Variants in CLCN1 observed in about 807,000 individuals in gnomAD.
The protein encoded by CLCN1 is chloride channel protein 1.
In CLCN1, 100 loss-of-function variants were observed where a neutral mutation model predicts 114.5. The ratio of observed to expected loss-of-function variants is 0.87; its 90% CI spans 0.74 to 1.03. The LOEUF (loss-of-function observed/expected upper bound fraction) is 1.03. Ranked by LOEUF, CLCN1 falls within the 50% of genes least tolerant of loss-of-function variation. The pLI is 0.00. For missense variants in CLCN1, 1,188 were observed against 1,250.0 expected, an observed-to-expected ratio of 0.95 and a Z score of 0.75; for synonymous variants, 485 against 487.1, an observed-to-expected ratio of 1.00 and a Z score of 0.06.
At chr7:143,347,915 G>A (rs913064188) in intron 20 of CLCN1, among the ~76,000 whole-genome samples, 3 of 152,086 alleles carry the variant, frequency 2.0e-5, no homozygotes, top group Non-Finnish European at 2.9e-5. Flanking sequence ...GGAAGCAGGC[G>A]GTATCAGAAC....
rs1227755696 is a variant in CLCN1 at position 143,323,456 on chromosome 7, T to G, written c.774+70T>G. 11 of 1,076,568 alleles carry G rather than the reference T, an allele frequency of 1.0e-5. No homozygotes were observed. The African/African-American group carries it at 1.7e-4, about 17-fold the overall frequency. 66.7% of individuals were successfully genotyped at this position (1,076,568 alleles called of 1,614,324 possible). A position where few individuals can be genotyped will look rare whatever the true frequency, so the allele number is the denominator to read the frequency against. On this transcript the variant is annotated intron_variant, in intron 6 of 22. Transcript: ENST00000343257. ...GAGTCCGGCTGTGTGTCCAGGGTGTTGGGAGGGCTGCCTCTGCTCTGGGCT... is the reference window on the plus strand; with the variant it reads ...GAGTCCGGCTGTGTGTCCAGGGTGTGGGGAGGGCTGCCTCTGCTCTGGGCT...
intron 20 of CLCN1, among the ~76,000 whole-genome samples, chr7:143,349,965 A>G (rs555117431): frequency 1.2e-4 from 18 of 152,366 alleles, no homozygotes; most frequent in African/African-American, 4.3e-4. Flanking sequence ...CCAGATGGTC[A>G]GAATAGCAAA....
rs940137971 is a variant in CLCN1 at position 143,331,828 on chromosome 7, A to ATTTTTG, written c.1166+188_1166+193dup. ...TTGTGTGGTCTCCCATTTAAAGATT[A>ATTTTTG]TTTTTGTTTTTGTTTTTTGAGACAG... On this transcript the variant is annotated intron_variant, in intron 10 of 22. Coordinates refer to ENST00000343257, the MANE Select transcript of CLCN1 (RefSeq NM_000083.3). Among the ~76,000 whole-genome samples, 16 of 152,084 alleles carry ATTTTTG rather than the reference A, an allele frequency of 1.1e-4. No individual in the cohort carries two copies. In the Middle Eastern group the frequency reaches 0.01, roughly 98 times the overall value.
At chr7:143,348,210 G>A (rs964193528) in intron 20 of CLCN1, among the ~76,000 whole-genome samples, 1 of 152,046 alleles carries the variant, frequency 6.6e-6, no homozygotes, top group African/African-American at 2.4e-5. Context: ...ACACACTTCT[G>A]ATAAATGACT....
At chr7:143,343,915 C>A (rs1175080003) in intron 16 of CLCN1, among the ~76,000 whole-genome samples, 1 of 152,142 alleles carries the variant, frequency 6.6e-6, no homozygotes, top group Non-Finnish European at 1.5e-5. Flanking sequence ...TCTTGGCTCA[C>A]TGCAACCTCT....
rs777799970 is a variant in CLCN1, at chr7:143,351,866, G to C, written c.2868G>C (p.Leu956=). 2 of 1,613,940 alleles carry C rather than the reference G, an allele frequency of 1.2e-6. No individual in the cohort carries two copies. The highest frequency in any genetic ancestry group is 8.5e-7 in the Non-Finnish European group (1 of 1,179,818). ...KVEGELEELE[L]VESPGLEEEL... ...AGGGCGAGTTGGAGGAGCTGGAGCT[G>C]GTGGAGAGTCCAGGGCTGGAAGAGG... is the stretch of plus-strand genomic sequence containing the variant. Residue 956 remains leucine, a synonymous_variant, in exon 23 of 23, where the codon CTG becomes CTC. Transcript: ENST00000343257.
rs1346607954 is a variant in CLCN1, at chr7:143,342,112, A to C, written c.1766A>C (p.Tyr589Ser). ...ATCATCCAGGTCAAGAAGCTACCCT[A>C]CTTGCCTGACCTTGGCTGGAACCAG... Reference protein sequence around the residue: ...DSIIQVKKLPYLPDLGWNQLS... With the variant: ...DSIIQVKKLPSLPDLGWNQLS... The change falls in exon 15 of 23, where the codon TAC becomes TCC. Residue 589 changes from tyrosine to serine, a missense_variant. Tyr to Ser is a moderately radical substitution (Grantham distance 144). Transcript: ENST00000343257. 6.2e-7 allele frequency: 1 copy of C among 1,614,168 alleles called. No individual in the cohort carries two copies. Among genetic ancestry groups the C allele is most frequent in the Admixed American group, 1.7e-5 (1 of 60,014 alleles).
chr7:143,349,990 C>T (rs1211720205), intron 20 of CLCN1, among the ~76,000 whole-genome samples: 4 of 152,154 alleles, frequency 2.6e-5, no homozygotes, highest in African/African-American at 9.7e-5. Flanking sequence ...AAGGGGAAGG[C>T]ATGTTTGAAG....
intron 16 of CLCN1, among the ~76,000 whole-genome samples, chr7:143,344,842 C>T (rs1426720387): frequency 1.3e-5 from 2 of 151,646 alleles, no homozygotes; most frequent in African/African-American, 2.4e-5. Flanking sequence ...CCTCTGCCTC[C>T]CGGGTTCAAG....
intron 12 of CLCN1, among the ~76,000 whole-genome samples, chr7:143,337,918 C>G (rs1802954316): frequency 7.0e-6 from 1 of 143,270 alleles, no homozygotes; most frequent in African/African-American, 2.5e-5. Flanking sequence ...GCTCCAACTC[C>G]CGGGTTCACG....
At chr7:143,320,278 C>A (rs1290690254) in intron 2 of CLCN1, among the ~76,000 whole-genome samples, 1 of 152,204 alleles carries the variant, frequency 6.6e-6, no homozygotes, top group East Asian at 1.9e-4. Flanking sequence ...CTTGGCCCCT[C>A]TAAGTATTAA....
rs145036146 is a variant in CLCN1 at position 143,318,196 on chromosome 7, T to C, written c.181-1559T>C. ...CCCACCCTCACCACTCTACACACCA[T>C]GGAATACTTTTTTTTTGTTTTTTGT... On this transcript the variant is annotated intron_variant, in intron 1 of 22. Transcript: ENST00000343257. Among the ~76,000 whole-genome samples the C allele has an allele frequency of 3.0e-3, 457 of 152,090 alleles. 2 individuals are homozygous for C. Among genetic ancestry groups the C allele is most frequent in the African/African-American group, 9.9e-3 (412 of 41,516 alleles).
chr7:143,337,492 CAGCCCTGG>C (rs201884270), intron 12 of CLCN1, among the ~76,000 whole-genome samples: 2,534 of 122,608 alleles, frequency 0.021, 77 homozygotes, highest in African/African-American at 0.079. Flanking sequence ...CTCCTGAGGT[CAGCCCTGG>C]ATGAGGGGAG....
intron 12 of CLCN1, among the ~76,000 whole-genome samples, chr7:143,338,601 C>A (rs1802979135): frequency 6.6e-6 from 1 of 152,058 alleles, no homozygotes; most frequent in African/African-American, 2.4e-5. Context: ...GCCGGGGCAA[C>A]ATGGCAAAAC....
rs148702833 is a variant in CLCN1, at chr7:143,331,616, G to A, written c.1130G>A (p.Arg377Gln). The A allele has an allele frequency of 2.8e-5, 45 of 1,614,068 alleles. No homozygotes were observed. Among genetic ancestry groups the A allele is most frequent in the South Asian group, 1.2e-4 (11 of 91,072 alleles). The part of the protein sequence containing the change: ...YLHRQVMLGV[R>Q]KHKALSQFLA... ...CATCGCCAAGTCATGCTCGGTGTCCGAAAGCACAAGGCCCTCAGCCAGTTT... is the reference window on the plus strand; with the variant it reads ...CATCGCCAAGTCATGCTCGGTGTCCAAAAGCACAAGGCCCTCAGCCAGTTT... Residue 377 changes from arginine (R) to glutamine (Q), a missense_variant, in exon 10 of 23, where the codon CGA (arginine) becomes CAA (glutamine). Transcript: ENST00000343257.
At chr7:143,322,615 C>A (rs1802471102) in intron 5 of CLCN1, among the ~76,000 whole-genome samples, 1 of 152,178 alleles carries the variant, frequency 6.6e-6, no homozygotes, top group Admixed American at 6.5e-5. Context: ...CTCCACCTCC[C>A]AGGTTCAAGC....
At chr7:143,319,191 T>G (rs765417360) in intron 1 of CLCN1, among the ~76,000 whole-genome samples, 2 of 152,134 alleles carry the variant, frequency 1.3e-5, no homozygotes, top group Non-Finnish European at 1.5e-5. Context: ...GGCTAGTTCT[T>G]GTGTGTGCAT....
rs762754992 is a variant in CLCN1, at chr7:143,341,995, C to G, written c.1649C>G (p.Thr550Arg). The G allele has an allele frequency of 6.2e-7, 1 of 1,614,162 alleles. No individual in the cohort carries two copies. Among genetic ancestry groups the G allele is most frequent in the Non-Finnish European group, 8.5e-7 (1 of 1,180,026 alleles). The change falls in exon 15 of 23, where the codon ACG (threonine) becomes AGG (arginine). Residue 550 changes from threonine (T) to arginine (R), a missense_variant. By Grantham distance (71) the Thr-to-Arg change is moderately conservative. Transcript: ENST00000343257. The part of the protein sequence containing the change: ...VSTAVICFEL[T>R]GQIAHILPMM... Reference sequence around the variant, plus strand: ...ACAGCTGTGATTTGCTTCGAATTAACGGGTCAGATTGCTCACATCCTGCCC... The same window carrying G: ...ACAGCTGTGATTTGCTTCGAATTAAGGGGTCAGATTGCTCACATCCTGCCC...
Position 143,350,407 on chromosome 7 carries a change from T to C in CLCN1, c.2439T>C (p.Pro813=). ...EAWEQEQLSQ[P]VCFDSCCIDQ... ...GGGAGCAGGAGCAGCTGAGCCAGCCTGTCTGTTTTGATTCCTGCTGTATTG... is the reference window on the plus strand; with the variant it reads ...GGGAGCAGGAGCAGCTGAGCCAGCCCGTCTGTTTTGATTCCTGCTGTATTG... Residue 813 remains proline (P), a synonymous_variant, in exon 21 of 23, where the codon CCT becomes CCC. Transcript: ENST00000343257. This position sits in a 1 kb window ranked among gnomAD's most constrained non-coding sequence, Gnocchi z 5.1. 2 of 1,614,218 alleles carry C rather than the reference T, an allele frequency of 1.2e-6. No homozygotes were observed. Among genetic ancestry groups the C allele is most frequent in the South Asian group, 1.1e-5 (1 of 91,082 alleles).
Sources: gnomAD v4.1 joint callset for allele counts (sites outside exome capture counted in the v4.1 genomes callset) on GRCh38, gnomAD v4.1.1 for gene constraint, Gnocchi (gnomAD v3.1) non-coding constraint, MANE v1.5 for transcripts, NCBI Gene and HGNC (gene_info 2026-07-23, HGNC 2026-07-21) for gene names.